The following FOXP2 variants were observed in gnomAD, a reference collection of about 807,000 sequenced individuals.
FOXP2 encodes forkhead box P2.
FOXP2 carries 12 observed loss-of-function variants against 115.8 expected under a neutral mutation model. That is an observed-to-expected ratio of 0.10 (90% CI 0.07 to 0.17). The LOEUF is 0.17. FOXP2 is among the 10% of genes least tolerant of loss of function. The pLI, the probability that FOXP2 is intolerant of heterozygous loss-of-function variation, is 1.00. For missense variants in FOXP2, 629 were observed against 843.5 expected (o/e 0.75, Z 3.15); for synonymous variants, 328 against 297.7 (o/e 1.10, Z -1.05).
intron 2 of FOXP2, among the ~76,000 whole-genome samples, chr7:114,492,285 A>G (rs1201297747): frequency 2.0e-5 from 3 of 151,854 alleles, no homozygotes; most frequent in South Asian, 4.2e-4. Context: ...TATTGCGTGT[A>G]TTTGATTCTT....
At chr7:114,156,045 C>T (rs1163428276) in intron 1 of FOXP2, among the ~76,000 whole-genome samples, 1 of 152,062 alleles carries the variant, frequency 6.6e-6, no homozygotes, top group Non-Finnish European at 1.5e-5. Flanking sequence ...TCTTCCCTTA[C>T]CAGTCTGAGT....
At chr7:114,498,541 T>TTGAG (rs1797424868) in intron 2 of FOXP2, among the ~76,000 whole-genome samples, 1 of 152,134 alleles carries the variant, frequency 6.6e-6, no homozygotes, top group African/African-American at 2.4e-5. Context: ...TAAGGTCAGA[T>TTGAG]TGAGGAACAA....
chr7:114,673,256 T>C (rs1807590938), intron 16 of FOXP2, among the ~76,000 whole-genome samples: 1 of 152,210 alleles, frequency 6.6e-6, no homozygotes, highest in Non-Finnish European at 1.5e-5. Context: ...TTATTGATAG[T>C]TTTCATTTAT....
rs139821717 is a variant in FOXP2, at chr7:114,692,722, C to A, written c.*2796C>A. On this transcript the variant is annotated 3_prime_UTR_variant, in exon 17 of 17. Coordinates refer to ENST00000350908, the MANE Select transcript of FOXP2 (RefSeq NM_014491.4). ...AATTTAAATGGCTCATGTATTCTTG[C>A]TTCTATCATAAGCTGATTATGGGGA... 4.4e-4 allele frequency: 196 copies of A among 445,864 alleles called. 1 individual carries two copies. In the East Asian group the frequency reaches 0.013, roughly 29 times the overall value. The allele number at this position is 445,864 out of a possible 1,614,324, so 27.6% of individuals were successfully genotyped here.
intron 4 of FOXP2, 77 bp from the exon 5 acceptor site, chr7:114,629,728 A>T: frequency 1.2e-6 from 2 of 1,605,536 alleles, no homozygotes; most frequent in Non-Finnish European, 1.7e-6. Flanking sequence ...GCCATATGCC[A>T]GTCTAGAAGA....
At chr7:114,320,739 T>C (rs1398194189) in intron 2 of FOXP2, among the ~76,000 whole-genome samples, 2 of 152,174 alleles carry the variant, frequency 1.3e-5, no homozygotes, top group Non-Finnish European at 2.9e-5. Context: ...ACCAATCTTG[T>C]GAGACTTACA....
At chr7:114,171,652 G>A (rs925164339) in intron 1 of FOXP2, among the ~76,000 whole-genome samples, 1 of 152,168 alleles carries the variant, frequency 6.6e-6, no homozygotes, top group African/African-American at 2.4e-5. Flanking sequence ...TTGTCTTTAT[G>A]CCTGTTAACA....
chr7:114,559,875 C>T (rs1262279079), intron 3 of FOXP2, among the ~76,000 whole-genome samples: 1 of 124,556 alleles, frequency 8.0e-6, no homozygotes, highest in African/African-American at 3.2e-5. Flanking sequence ...GGCGACAGAG[C>T]AAGATTCCAT....
intron 8 of FOXP2, among the ~76,000 whole-genome samples, chr7:114,650,645 C>A (rs549510835): frequency 6.6e-6 from 1 of 152,146 alleles, no homozygotes; most frequent in South Asian, 2.1e-4. Context: ...ATACCTCCTT[C>A]CCAGAGAGCA....
chr7:114,567,708 T>C (rs750780301), intron 3 of FOXP2, among the ~76,000 whole-genome samples: 6 of 152,096 alleles, frequency 3.9e-5, no homozygotes, highest in Non-Finnish European at 7.4e-5. Flanking sequence ...TAAATGACTG[T>C]CTGATTTTAT....
At chr7:114,293,161 A>G (rs994004419) in intron 2 of FOXP2, among the ~76,000 whole-genome samples, 2 of 152,166 alleles carry the variant, frequency 1.3e-5, no homozygotes, top group African/African-American at 4.8e-5. Context: ...GGGTTGGCCT[A>G]TGTCATCAAT....
At chr7:114,641,507 GTT>G (rs1805526232) in intron 6 of FOXP2, among the ~76,000 whole-genome samples, 1 of 152,050 alleles carries the variant, frequency 6.6e-6, no homozygotes, top group Admixed American at 6.5e-5. Flanking sequence ...ATATTGGTTT[GTT>G]TAAGACACCA....
chr7:114,244,174 T>G (rs1795221854), intron 1 of FOXP2, among the ~76,000 whole-genome samples: 1 of 152,304 alleles, frequency 6.6e-6, no homozygotes, highest in Non-Finnish European at 1.5e-5. Context: ...ATTGTGAAGA[T>G]AATACAAATA....
intron 2 of FOXP2, among the ~76,000 whole-genome samples, chr7:114,405,749 G>C (rs893429475): frequency 6.6e-6 from 1 of 151,636 alleles, no homozygotes; most frequent in African/African-American, 2.4e-5. Flanking sequence ...CTATTTTTTC[G>C]TTAGTATTTA....
At chr7:114,360,730 C>T (rs1200829910) in intron 2 of FOXP2, among the ~76,000 whole-genome samples, 2 of 152,066 alleles carry the variant, frequency 1.3e-5, no homozygotes, top group African/African-American at 4.8e-5. Flanking sequence ...CATTTACAGT[C>T]TAAGATATAT....
chr7:114,637,619 TCC>T (rs1805293530), intron 6 of FOXP2, among the ~76,000 whole-genome samples: 1 of 151,976 alleles, frequency 6.6e-6, no homozygotes, highest in Non-Finnish European at 1.5e-5. Context: ...CAGACAGAAA[TCC>T]CTGCCATCAT....
At chr7:114,141,672 C>T (rs1373937189) in intron 1 of FOXP2, among the ~76,000 whole-genome samples, 1 of 152,094 alleles carries the variant, frequency 6.6e-6, no homozygotes, top group Non-Finnish European at 1.5e-5. Context: ...CTCCAAATAC[C>T]ATCACTTCCT....
chr7:114,174,814 T>G (rs546974247), intron 1 of FOXP2, among the ~76,000 whole-genome samples: 2 of 152,236 alleles, frequency 1.3e-5, no homozygotes, highest in South Asian at 4.1e-4. Context: ...ATAACTGATT[T>G]GGATCTTTAT....
chr7:114,420,386 T>A (rs575684724), intron 1 of FOXP2, among the ~76,000 whole-genome samples: 2 of 152,088 alleles, frequency 1.3e-5, no homozygotes, highest in South Asian at 2.1e-4. Context: ...CTTGGAGAGC[T>A]AATTATTTCT....
Sources: allele counts gnomAD v4.1 joint callset (sites outside exome capture counted in the v4.1 genomes callset), GRCh38; gene constraint gnomAD v4.1.1; transcripts MANE v1.5; gene names NCBI Gene and HGNC (gene_info 2026-07-23, HGNC 2026-07-21).